The following MBD5 variants were observed in gnomAD, a reference collection of about 807,000 sequenced individuals.
MBD5 encodes methyl-CpG binding domain protein 5.
Under a neutral mutation model 117.3 loss-of-function variants are expected in MBD5, and 13 were observed. The ratio of observed to expected loss-of-function variants is 0.11; its 90% CI spans 0.07 to 0.18. The LOEUF (loss-of-function observed/expected upper bound fraction) is 0.18, where lower values mean the gene tolerates loss of function less well. Ranked by LOEUF, MBD5 falls within the 10% of genes least tolerant of loss-of-function variation. The probability of loss-of-function intolerance (pLI) is 1.00; values close to 1 mark genes in which losing one functional copy is unlikely to be tolerated. For missense variants in MBD5, 1,879 were observed against 2,093.8 expected (o/e 0.90, Z 2.00); for synonymous variants, 727 against 766.4 (o/e 0.95, Z 0.85).
intron 4 of MBD5, among the ~76,000 whole-genome samples, chr2:148,394,220 A>T (rs1559052850): frequency 6.6e-6 from 1 of 152,172 alleles, no homozygotes; most frequent in Non-Finnish European, 1.5e-5. Flanking sequence ...ATAAATAATA[A>T]CTTGAGTAGC....
intron 11 of MBD5, among the ~76,000 whole-genome samples, chr2:148,497,239 A>G (rs1368203460): frequency 6.6e-6 from 1 of 152,074 alleles, no homozygotes; most frequent in Non-Finnish European, 1.5e-5. Flanking sequence ...TTCATTCAAT[A>G]AATATTTATT....
At chr2:148,115,182 T>A (rs1341838798) in intron 1 of MBD5, among the ~76,000 whole-genome samples, 1 of 152,210 alleles carries the variant, frequency 6.6e-6, no homozygotes, top group Non-Finnish European at 1.5e-5. Flanking sequence ...ATCATTTAGA[T>A]CATTTTTCTT....
rs555506655 is a variant in MBD5, at chr2:148,174,799, A to G, written c.-924-3901A>G. On this transcript the variant is annotated intron_variant, in intron 1 of 13. Coordinates refer to ENST00000642680, the MANE Select transcript of MBD5 (RefSeq NM_001378120.1). Reference sequence around the variant, plus strand: ...ACCATTACCAAAAAAAAAAAATACAAAAGATAACAAATGTTGATGACGATG... The same window carrying G: ...ACCATTACCAAAAAAAAAAAATACAGAAGATAACAAATGTTGATGACGATG... Among the ~76,000 whole-genome samples the G allele has an allele frequency of 5.9e-5, 9 of 152,236 alleles. No homozygotes were observed. In the South Asian group the frequency reaches 1.2e-3, roughly 21 times the overall value.
At chr2:148,188,726 A>C (rs1698737709) in intron 2 of MBD5, among the ~76,000 whole-genome samples, 1 of 152,024 alleles carries the variant, frequency 6.6e-6, no homozygotes. Context: ...AAAGAAGACA[A>C]CATTAAAAAT....
At chr2:148,104,792 A>G (rs1696324756) in intron 1 of MBD5, among the ~76,000 whole-genome samples, 1 of 152,146 alleles carries the variant, frequency 6.6e-6, no homozygotes, top group South Asian at 2.1e-4. Flanking sequence ...AATATTTTCA[A>G]TTTTTGTGAC....
intron 4 of MBD5, among the ~76,000 whole-genome samples, chr2:148,416,379 G>T (rs1559061913): frequency 6.6e-6 from 1 of 152,100 alleles, no homozygotes; most frequent in Non-Finnish European, 1.5e-5. Context: ...GTGCTCCAAT[G>T]GATGGTGCTA....
intron 1 of MBD5, chr2:148,054,457 C>T (rs1694803936): frequency 6.6e-6 from 1 of 152,130 alleles, no homozygotes; most frequent in African/African-American, 2.4e-5. Context: ...ACAGTAAGTT[C>T]TTTGGATAAC....
chr2:148,406,133 G>A (rs1051034119), intron 4 of MBD5, among the ~76,000 whole-genome samples: 1 of 152,186 alleles, frequency 6.6e-6, no homozygotes, highest in African/African-American at 2.4e-5. Context: ...GGCAGAGGTT[G>A]CAGTAAACCA....
chr2:148,066,642 T>G (rs953295301), intron 1 of MBD5, among the ~76,000 whole-genome samples: 1 of 152,054 alleles, frequency 6.6e-6, no homozygotes, highest in Non-Finnish European at 1.5e-5. Flanking sequence ...CATGCCCGGC[T>G]AATTTTTTGT....
At chr2:148,386,549 T>C (rs1384505723) in intron 4 of MBD5, among the ~76,000 whole-genome samples, 2 of 150,952 alleles carry the variant, frequency 1.3e-5, no homozygotes, top group Non-Finnish European at 3.0e-5. Context: ...AAACCCCGTC[T>C]CTACTAAAAA....
At chr2:148,182,409 T>C (rs929450728) in intron 2 of MBD5, among the ~76,000 whole-genome samples, 1 of 152,188 alleles carries the variant, frequency 6.6e-6, no homozygotes, top group Non-Finnish European at 1.5e-5. Context: ...TGATGTATTA[T>C]TCTTTAATAC....
chr2:148,196,387 TA>T lies in MBD5; in HGVS notation c.-831+17603del, dbSNP rs1003320721. Among the ~76,000 whole-genome samples, 380 of 150,872 alleles carry T rather than the reference TA, an allele frequency of 2.5e-3. 7 individuals carry two copies. Among genetic ancestry groups the T allele is most frequent in the Admixed American group, 0.017 (256 of 15,096 alleles). On this transcript the variant is annotated intron_variant, in intron 2 of 13. Coordinates refer to ENST00000642680, the MANE Select transcript of MBD5 (RefSeq NM_001378120.1). ...TTTTAAAATATTTTTGTGCCACTAC[TA>T]AAAAAAAATGGTTTCCTTTATGTAA...
intron 11 of MBD5, 116 bp from the exon 12 acceptor site, chr2:148,502,320 G>A (rs1317697492): frequency 1.1e-6 from 1 of 872,330 alleles, no homozygotes; most frequent in Non-Finnish European, 1.9e-6. Flanking sequence ...AGGTAGTGAA[G>A]GTTAAGGCTC....
At chr2:148,371,299 CTT>C (rs1464736150) in intron 4 of MBD5, among the ~76,000 whole-genome samples, 1 of 152,030 alleles carries the variant, frequency 6.6e-6, no homozygotes, top group Admixed American at 6.6e-5. Flanking sequence ...TCTTGGAGCT[CTT>C]ATTTACAACA....
intron 1 of MBD5, among the ~76,000 whole-genome samples, chr2:148,109,349 T>G (rs1357303877): frequency 6.6e-6 from 1 of 152,198 alleles, no homozygotes; most frequent in African/African-American, 2.4e-5. Context: ...AAATAGATAA[T>G]GTGCAAAGCT....
intron 4 of MBD5, among the ~76,000 whole-genome samples, chr2:148,379,251 A>G (rs911198231): frequency 6.6e-6 from 1 of 152,130 alleles, no homozygotes; most frequent in Admixed American, 6.5e-5. Context: ...AAAGATGCTC[A>G]AAGCAGCTTA....
intron 1 of MBD5, among the ~76,000 whole-genome samples, chr2:148,107,709 A>C (rs1041810178): frequency 6.6e-6 from 1 of 151,940 alleles, no homozygotes; most frequent in African/African-American, 2.4e-5. Context: ...TTATTTCTTG[A>C]AATATATGAA....
intron 4 of MBD5, among the ~76,000 whole-genome samples, chr2:148,390,814 G>A (rs1445341573): frequency 6.6e-6 from 1 of 152,056 alleles, no homozygotes; most frequent in Non-Finnish European, 1.5e-5. Flanking sequence ...TCCCACCTTG[G>A]TCTCCCAAAG....
At chr2:148,239,286 ACT>A (rs72077096) in intron 3 of MBD5, among the ~76,000 whole-genome samples, 11,996 of 151,722 alleles carry the variant, frequency 0.079, 702 homozygotes, top group Admixed American at 0.12. Flanking sequence ...TTTCCTATCT[ACT>A]CTCTAGCTTT....
Sources: gnomAD v4.1 joint callset for allele counts (sites outside exome capture counted in the v4.1 genomes callset) on GRCh38, gnomAD v4.1.1 for gene constraint, MANE v1.5 for transcripts, NCBI Gene and HGNC (gene_info 2026-07-23, HGNC 2026-07-21) for gene names.